Variants in USP32 observed in about 807,000 individuals in gnomAD.
The protein encoded by USP32 is ubiquitin specific peptidase 32.
A neutral mutation model predicts 204.8 loss-of-function variants in USP32; 59 were observed. The ratio of observed to expected loss-of-function variants is 0.29; its 90% CI spans 0.23 to 0.36. The LOEUF is 0.36. Ranked by LOEUF, USP32 falls within the 10% of genes least tolerant of loss-of-function variation. The probability of loss-of-function intolerance (pLI) is 1.00; values close to 1 mark genes in which losing one functional copy is unlikely to be tolerated. For missense variants in USP32, 1,160 were observed against 1,946.4 expected (o/e 0.60, Z 7.60); for synonymous variants, 517 against 678.4 (o/e 0.76, Z 3.70).
chr17:60,399,147 T>C (rs2089918328), intron 1 of USP32, among the ~76,000 whole-genome samples: 1 of 152,082 alleles, frequency 6.6e-6, no homozygotes, highest in Non-Finnish European at 1.5e-5. Flanking sequence ...AGACATTCAT[T>C]TACTCTTAAC....
intron 26 of USP32, among the ~76,000 whole-genome samples, chr17:60,201,487 T>C (rs2084674035): frequency 6.6e-6 from 1 of 151,852 alleles, no homozygotes; most frequent in Non-Finnish European, 1.5e-5. Context: ...TAATTAAAAT[T>C]ATTTATAATT....
intron 9 of USP32, chr17:60,256,817 G>A: frequency 9.5e-7 from 1 of 1,053,876 alleles, no homozygotes; most frequent in Non-Finnish European, 1.2e-6. Flanking sequence ...ATACTTATAG[G>A]TGAATTCTGG....
chr17:60,394,571 C>T (rs571268480), upstream of USP32, among the ~76,000 whole-genome samples: 2 of 152,188 alleles, frequency 1.3e-5, no homozygotes, highest in East Asian at 3.9e-4. Flanking sequence ...CCGCATGTGT[C>T]GTTTTCCAAT....
intron 3 of USP32, among the ~76,000 whole-genome samples, chr17:60,296,812 C>T (rs1160794842): frequency 3.3e-5 from 5 of 152,058 alleles, no homozygotes; most frequent in African/African-American, 1.2e-4. Flanking sequence ...GTATTTTGTA[C>T]ATAAAAACTA....
intron 2 of USP32, among the ~76,000 whole-genome samples, chr17:60,317,713 G>A (rs1032319754): frequency 2.0e-5 from 3 of 151,884 alleles, no homozygotes; most frequent in Non-Finnish European, 4.4e-5. Context: ...CTACACAGGA[G>A]GCTAAAGAGG....
At chr17:60,391,752 G>T in intron 1 of USP32, 130 bp downstream of exon 1, 1 of 1,000,544 alleles carries the variant, frequency 1.0e-6, no homozygotes, top group Non-Finnish European at 1.4e-6. Flanking sequence ...ACTCCCCAAG[G>T]CCGGCCGCCT....
At chr17:60,223,723 T>C (rs2085314911) in intron 13 of USP32, 137 bp from the exon 14 acceptor site, 3 of 681,960 alleles carry the variant, frequency 4.4e-6, no homozygotes, top group Non-Finnish European at 2.3e-6. Flanking sequence ...GGTAATTCTG[T>C]AGAAGACAGG....
intron 1 of USP32, among the ~76,000 whole-genome samples, chr17:60,419,571 A>G (rs543884171): frequency 6.3e-4 from 96 of 151,992 alleles, no homozygotes; most frequent in African/African-American, 2.2e-3. Context: ...TCTCTACTAG[A>G]AATACAAAAA....
intron 2 of USP32, among the ~76,000 whole-genome samples, chr17:60,312,007 C>T (rs1400952532): frequency 6.6e-6 from 1 of 152,160 alleles, no homozygotes; most frequent in Non-Finnish European, 1.5e-5. Flanking sequence ...TTTATCATGG[C>T]TTTTAGAGTC....
intron 24 of USP32, 45 bp downstream of exon 24, chr17:60,208,014 C>A (rs1322109298): frequency 2.6e-6 from 4 of 1,515,780 alleles, no homozygotes; most frequent in African/African-American, 1.4e-5. Context: ...AAAATGTCAT[C>A]TTTGGAGGAT....
chr17:60,383,427 A>G (rs2089679692), intron 1 of USP32, among the ~76,000 whole-genome samples: 1 of 152,132 alleles, frequency 6.6e-6, no homozygotes, highest in African/African-American at 2.4e-5. Context: ...CAGACATCCA[A>G]TATTTACTGA....
At position 60,391,910 on chromosome 17, in the gene USP32, G is replaced by A. The variant is rs748746032; in HGVS notation, c.30C>T (p.Phe10=). The A allele has an allele frequency of 3.1e-6, 5 of 1,612,168 alleles. No homozygotes were observed. The South Asian group carries it at 5.5e-5, about 18-fold the overall frequency. ...TCCTCAGCGCCTCCTCGTAGCTGAG[G>A]AATCCGATCCGTGACTCCTTGGCAC... is the stretch of plus-strand genomic sequence containing the variant. MGAKESRIG[F]LSYEEALRRV... The change falls in exon 1 of 34, where the codon TTC becomes TTT. Residue 10 remains phenylalanine, a synonymous_variant. Coordinates refer to ENST00000300896, the MANE Select transcript of USP32 (RefSeq NM_032582.4).
chr17:60,330,715 A>AT (rs1054888948), intron 2 of USP32, among the ~76,000 whole-genome samples: 2 of 151,852 alleles, frequency 1.3e-5, no homozygotes, highest in African/African-American at 4.8e-5. Flanking sequence ...CCTGGCTAAT[A>AT]TTTGTATTTT....
intron 5 of USP32, among the ~76,000 whole-genome samples, chr17:60,274,640 A>C (rs1044308504): frequency 6.6e-6 from 1 of 152,228 alleles, no homozygotes; most frequent in African/African-American, 2.4e-5. Flanking sequence ...CAAAATTGTC[A>C]ACCTCCAATT....
intron 31 of USP32, 65 bp from the exon 32 acceptor site, chr17:60,181,813 G>A: frequency 1.9e-6 from 3 of 1,557,408 alleles, no homozygotes; most frequent in Non-Finnish European, 1.7e-6. Context: ...AGCCCCAAAT[G>A]CTACCTCTGA....
intron 12 of USP32, among the ~76,000 whole-genome samples, chr17:60,233,424 C>A (rs1326248155): frequency 6.6e-6 from 1 of 152,152 alleles, no homozygotes; most frequent in Admixed American, 6.5e-5. Flanking sequence ...TGTGCCACTA[C>A]ACTCCAGCCT....
chr17:60,297,118 C>G (rs1359127026), intron 3 of USP32, among the ~76,000 whole-genome samples: 1 of 152,164 alleles, frequency 6.6e-6, no homozygotes, highest in Non-Finnish European at 1.5e-5. Context: ...GAATAAACTG[C>G]CAGGTATGGT....
At chr17:60,383,964 G>C (rs1305890663) in intron 1 of USP32, among the ~76,000 whole-genome samples, 1 of 152,240 alleles carries the variant, frequency 6.6e-6, no homozygotes, top group African/African-American at 2.4e-5. Context: ...CTACTGCACA[G>C]TGTCTTGGAG....
At chr17:60,375,637 T>G (rs1240922793) in intron 1 of USP32, among the ~76,000 whole-genome samples, 2 of 152,244 alleles carry the variant, frequency 1.3e-5, no homozygotes, top group Non-Finnish European at 2.9e-5. Flanking sequence ...GGAGTCTCGC[T>G]CTGTCGCTCA....
Sources: gnomAD v4.1 joint callset for allele counts (sites outside exome capture counted in the v4.1 genomes callset) on GRCh38, gnomAD v4.1.1 for gene constraint, MANE v1.5 for transcripts, NCBI Gene and HGNC (gene_info 2026-07-23, HGNC 2026-07-21) for gene names.